Variants in RRM1 observed in about 807,000 individuals in gnomAD.
RRM1 encodes ribonucleotide reductase catalytic subunit M1, also known as ribonucleoside-diphosphate reductase large subunit.
Under a neutral mutation model 101.5 loss-of-function variants are expected in RRM1, and 19 were observed. The ratio of observed to expected loss-of-function variants is 0.19; its 90% CI spans 0.13 to 0.27. RRM1 has a LOEUF of 0.27. RRM1 is among the 10% of genes least tolerant of loss of function. The pLI is 1.00. For synonymous variants in RRM1, 298 were observed against 323.4 expected (o/e 0.92, Z 0.84); for missense variants, 500 against 962.9 (o/e 0.52, Z 6.36).
Position 4,138,439 on chromosome 11 carries a change from T to A in RRM1, c.*56T>A. ...CAGTAGCCAAACTACTTCTTGAGCATAGATAGGTATAGTGGGTTTGCTTGA... is the reference window on the plus strand; with the variant it reads ...CAGTAGCCAAACTACTTCTTGAGCAAAGATAGGTATAGTGGGTTTGCTTGA... On this transcript the variant is annotated 3_prime_UTR_variant, in exon 19 of 19. Coordinates refer to ENST00000300738, the MANE Select transcript of RRM1 (RefSeq NM_001033.5). 2 of 1,419,512 alleles carry A rather than the reference T, an allele frequency of 1.4e-6. No individual in the cohort carries two copies. Among genetic ancestry groups the A allele is most frequent in the Non-Finnish European group, 1.9e-6 (2 of 1,055,690 alleles). 87.9% of individuals were successfully genotyped at this position (1,419,512 alleles called of 1,614,324 possible).
Position 4,123,252 on chromosome 11 carries a change from T to C in RRM1, c.1188T>C (p.Ser396=), listed in dbSNP as rs2094584520. The C allele has an allele frequency of 9.3e-6, 15 of 1,614,130 alleles. No individual in the cohort carries two copies. The highest frequency in any genetic ancestry group is 1.3e-5 in the Non-Finnish European group (15 of 1,180,010). Reference sequence around the variant, plus strand: ...AGCTTTGGTATGCCATCATTGAGTCTCAGACGGAAACAGGCACCCCGTATA... The same window carrying C: ...AGCTTTGGTATGCCATCATTGAGTCCCAGACGGAAACAGGCACCCCGTATA... ...AQQLWYAIIE[S]QTETGTPYML... The change falls in exon 12 of 19, where the codon TCT becomes TCC. Residue 396 remains serine (S), a synonymous_variant. Transcript: ENST00000300738.
rs542114407 is a variant in RRM1 at position 4,101,437 on chromosome 11, C to T, written c.20-556C>T. 7.2e-5 allele frequency among the ~76,000 whole-genome samples: 11 copies of T among 151,932 alleles called. 1 individual carries two copies. Among genetic ancestry groups the T allele is most frequent in the East Asian group, 1.9e-4 (1 of 5,176 alleles). ...AAACAATTCTCCTGCCTTAGCCTCCCGAATAGCTGGGATTATAGGCCCCTG... is the reference window on the plus strand; with the variant it reads ...AAACAATTCTCCTGCCTTAGCCTCCTGAATAGCTGGGATTATAGGCCCCTG... On this transcript the variant is annotated intron_variant, in intron 1 of 18. Transcript: ENST00000300738.
intron 7 of RRM1, 34 bp from the exon 8 acceptor site, chr11:4,118,286 C>A (rs755238168): frequency 1.9e-6 from 3 of 1,582,620 alleles, no homozygotes; most frequent in African/African-American, 2.7e-5. Context: ...GCTTCATTTC[C>A]TTGCTCTAAG....
intron 15 of RRM1, among the ~76,000 whole-genome samples, chr11:4,129,461 A>G (rs2094595283): frequency 6.6e-6 from 1 of 150,828 alleles, no homozygotes; most frequent in Non-Finnish European, 1.5e-5. Context: ...CTTTTTTCCA[A>G]CTATGATTTT....
At chr11:4,128,083 A>C (rs188825179) in intron 14 of RRM1, among the ~76,000 whole-genome samples, 2 of 151,994 alleles carry the variant, frequency 1.3e-5, no homozygotes, top group Admixed American at 1.3e-4. Context: ...AAAGGGGCAC[A>C]GTCTAGTCTC....
At position 4,121,592 on chromosome 11, in the gene RRM1, A is replaced by G; in HGVS notation, c.877-12A>G. 6.3e-7 allele frequency: 1 copy of G among 1,590,356 alleles called. No individual in the cohort carries two copies. On this transcript the variant is annotated splice_polypyrimidine_tract_variant and intron_variant, in intron 9 of 18. Coordinates refer to ENST00000300738, the MANE Select transcript of RRM1 (RefSeq NM_001033.5). ...TTTATTCTGAAGAGAATTATGATTTATTTACCACTAGCGTCCTGGGGCATT... is the reference window on the plus strand; with the variant it reads ...TTTATTCTGAAGAGAATTATGATTTGTTTACCACTAGCGTCCTGGGGCATT...
chr11:4,122,188 T>C lies in RRM1; in HGVS notation c.1086T>C (p.Val362=), dbSNP rs2094582868. 1.2e-6 allele frequency: 2 copies of C among 1,613,408 alleles called. No homozygotes were observed. Among genetic ancestry groups the C allele is most frequent in the Non-Finnish European group, 8.5e-7 (1 of 1,179,454 alleles). The part of the protein sequence containing the change: ...CPNECPGLDE[V]WGEEFEKLYA... ...ATGAGTGTCCTGGTCTGGATGAGGT[T>C]TGGGGAGAGGAATTTGAGAAACTAT... Residue 362 remains valine, a synonymous_variant, in exon 11 of 19, where the codon GTT becomes GTC. Coordinates refer to ENST00000300738, the MANE Select transcript of RRM1 (RefSeq NM_001033.5).
intron 4 of RRM1, 163 bp downstream of exon 4, chr11:4,107,698 A>C: frequency 1.7e-6 from 1 of 589,460 alleles, no homozygotes; most frequent in South Asian, 2.1e-5. Flanking sequence ...TCATTTTAAA[A>C]TGTATTTTTC....
intron 8 of RRM1, among the ~76,000 whole-genome samples, chr11:4,119,448 T>C (rs2094578436): frequency 6.6e-6 from 1 of 152,224 alleles, no homozygotes; most frequent in Non-Finnish European, 1.5e-5. Flanking sequence ...TAATTCTTAT[T>C]GTAAATTGCC....
chr11:4,102,387 G>T (rs926352753), intron 2 of RRM1, among the ~76,000 whole-genome samples: 1 of 152,150 alleles, frequency 6.6e-6, no homozygotes, highest in South Asian at 2.1e-4. Flanking sequence ...GCCAGGCGCC[G>T]TGGCTCACGC....
chr11:4,111,573 A>AAC, intron 5 of RRM1, 28 bp from the exon 6 acceptor site: 4 of 1,577,088 alleles, frequency 2.5e-6, no homozygotes, highest in Non-Finnish European at 2.6e-6. Flanking sequence ...GGTGCTCTGA[A>AAC]AATTTTTTGT....
chr11:4,119,998 G>C, intron 9 of RRM1, 70 bp downstream of exon 9: 2 of 874,204 alleles, frequency 2.3e-6, no homozygotes, highest in Middle Eastern at 4.4e-4. Flanking sequence ...ACTTAAGATG[G>C]TTCATTTATG....
At position 4,122,204 on chromosome 11, in the gene RRM1, G is replaced by C. The variant is rs767843333; in HGVS notation, c.1102G>C (p.Glu368Gln). 1.2e-6 allele frequency: 2 copies of C among 1,611,052 alleles called. No homozygotes were observed. Among genetic ancestry groups the C allele is most frequent in the Non-Finnish European group, 1.7e-6 (2 of 1,177,400 alleles). The change falls in exon 11 of 19, where the codon GAG (glutamate) becomes CAG (glutamine). Residue 368 changes from glutamate (E) to glutamine (Q), a missense_variant. This residue lies in a region of RRM1 where 80 missense variants were observed against 170.9 expected (regional missense o/e 0.47). Transcript: ENST00000300738. ...GGATGAGGTTTGGGGAGAGGAATTTGAGAAACTATATGCAAGGTATGGGAA... is the reference window on the plus strand; with the variant it reads ...GGATGAGGTTTGGGGAGAGGAATTTCAGAAACTATATGCAAGGTATGGGAA... Reference protein sequence around the residue: ...GLDEVWGEEFEKLYASYEKQG... With the variant: ...GLDEVWGEEFQKLYASYEKQG...
intron 5 of RRM1, among the ~76,000 whole-genome samples, chr11:4,110,109 T>C (rs1407580239): frequency 6.6e-6 from 1 of 152,116 alleles, no homozygotes; most frequent in Non-Finnish European, 1.5e-5. Flanking sequence ...TTTCCTCCAT[T>C]TTAGAATGGG....
At chr11:4,103,878 C>T (rs1429885024) in intron 2 of RRM1, among the ~76,000 whole-genome samples, 2 of 147,022 alleles carry the variant, frequency 1.4e-5, no homozygotes, top group Non-Finnish European at 1.5e-5. Flanking sequence ...ATCTGTCCGC[C>T]TTGGCCTCCC....
At chr11:4,129,009 T>G (rs74662318) in intron 14 of RRM1, 65 bp from the exon 15 acceptor site, 24 of 267,162 alleles carry the variant, frequency 9.0e-5, no homozygotes, top group African/African-American at 6.1e-4. Flanking sequence ...CATTTGTGGG[T>G]TTTTTTTTTT....
intron 11 of RRM1, 149 bp from the exon 12 acceptor site, chr11:4,123,034 A>T: frequency 1.5e-6 from 1 of 677,768 alleles, no homozygotes; most frequent in Non-Finnish European, 2.4e-6. Context: ...TAGCTAGAGT[A>T]AAATAAATAT....
At chr11:4,136,905 AG>A (rs1358224322) in intron 18 of RRM1, among the ~76,000 whole-genome samples, 1 of 151,664 alleles carries the variant, frequency 6.6e-6, no homozygotes, top group Non-Finnish European at 1.5e-5. Context: ...TCCTAGGCAG[AG>A]GACCCTGCGG....
intron 6 of RRM1, 64 bp from the exon 7 acceptor site, chr11:4,111,836 A>T (rs1590718298): frequency 1.9e-5 from 28 of 1,473,238 alleles, no homozygotes; most frequent in Non-Finnish European, 2.5e-5. Context: ...CTGAAATTCA[A>T]ATACGTATCT....
Sources: gnomAD v4.1 joint callset for allele counts (sites outside exome capture counted in the v4.1 genomes callset) on GRCh38, gnomAD v4.1.1 for gene constraint, gnomAD v4.1.1 regional missense constraint, MANE v1.5 for transcripts, NCBI Gene and HGNC (gene_info 2026-07-23, HGNC 2026-07-21) for gene names.